The following GBE1 variants were observed in gnomAD, a reference collection of about 807,000 sequenced individuals.
GBE1 encodes the protein 1,4-alpha-glucan branching enzyme 1.
Under a neutral mutation model 88.8 loss-of-function variants are expected in GBE1, and 70 were observed. The ratio of observed to expected loss-of-function variants is 0.79; its 90% CI spans 0.65 to 0.96. The LOEUF is 0.96. GBE1 is among the 40% of genes least tolerant of loss of function. The pLI is 0.00. For synonymous variants in GBE1, 284 were observed against 300.1 expected, an observed-to-expected ratio of 0.95 and a Z score of 0.56; for missense variants, 872 against 871.0, an observed-to-expected ratio of 1.00 and a Z score of -0.01.
chr3:81,579,221 A>G (rs935315655), intron 11 of GBE1, among the ~76,000 whole-genome samples: 1 of 152,044 alleles, frequency 6.6e-6, no homozygotes, highest in Non-Finnish European at 1.5e-5. Flanking sequence ...AAAAAGTTTA[A>G]AATAACATCC....
intron 7 of GBE1, among the ~76,000 whole-genome samples, chr3:81,636,949 T>C (rs1207815579): frequency 1.3e-5 from 2 of 152,134 alleles, no homozygotes; most frequent in South Asian, 4.1e-4. Context: ...TAAAAACAAA[T>C]ACATTAGCTC....
chr3:81,571,244 A>G (rs561110896), intron 12 of GBE1, among the ~76,000 whole-genome samples: 35 of 152,304 alleles, frequency 2.3e-4, no homozygotes, highest in Admixed American at 1.9e-3. Context: ...TTGAAGAGGG[A>G]AGACATTAGA....
intron 12 of GBE1, among the ~76,000 whole-genome samples, chr3:81,553,222 T>C (rs1184125485): frequency 6.6e-6 from 1 of 152,214 alleles, no homozygotes; most frequent in Non-Finnish European, 1.5e-5. Context: ...ATGCTGCTAC[T>C]ATTGGTGTTA....
chr3:81,673,447 A>G (rs1461455225), intron 2 of GBE1, among the ~76,000 whole-genome samples: 2 of 151,930 alleles, frequency 1.3e-5, no homozygotes, highest in Admixed American at 1.3e-4. Flanking sequence ...TAAATGAGAA[A>G]ATGTACAATG....
At chr3:81,728,766 AT>A (rs1706147899) in intron 1 of GBE1, among the ~76,000 whole-genome samples, 1 of 152,220 alleles carries the variant, frequency 6.6e-6, no homozygotes, top group Admixed American at 6.5e-5. Flanking sequence ...TCAAATTCTA[AT>A]CCCAAATCAA....
chr3:81,716,763 T>C (rs1705942971), intron 1 of GBE1, among the ~76,000 whole-genome samples: 1 of 152,242 alleles, frequency 6.6e-6, no homozygotes, highest in Non-Finnish European at 1.5e-5. Flanking sequence ...TAGAAATTAA[T>C]TTTAATCACT....
At chr3:81,613,677 A>C (rs1704211040) in intron 7 of GBE1, among the ~76,000 whole-genome samples, 1 of 152,244 alleles carries the variant, frequency 6.6e-6, no homozygotes, top group East Asian at 1.9e-4. Flanking sequence ...GATATCTGAC[A>C]GACATCCTTG....
intron 15 of GBE1, among the ~76,000 whole-genome samples, chr3:81,494,203 G>A (rs1441208429): frequency 1.3e-5 from 2 of 152,036 alleles, no homozygotes; most frequent in Admixed American, 1.3e-4. Flanking sequence ...TCTTAACTAT[G>A]GCTATTTATG....
chr3:81,674,348 G>C (rs987975856), intron 2 of GBE1, among the ~76,000 whole-genome samples: 1 of 151,776 alleles, frequency 6.6e-6, no homozygotes, highest in Non-Finnish European at 1.5e-5. Flanking sequence ...TTAATATCCA[G>C]AAACAGAATA....
In GBE1 at chr3:81,642,918, T is replaced by C; in HGVS notation, c.855A>G (p.Leu285=). Reference sequence around the variant, plus strand: ...TTGAAGCATGGCTGTGTACCACATCTAAGAGGACTATGATACCCATGGAAT... The same window carrying C: ...TTGAAGCATGGCTGTGTACCACATCCAAGAGGACTATGATACCCATGGAAT... ...TAHSMGIIVL[L]DVVHSHASKN... The change falls in exon 7 of 16, where the codon TTA becomes TTG. Residue 285 remains leucine, a synonymous_variant. Coordinates refer to ENST00000429644, the MANE Select transcript of GBE1 (RefSeq NM_000158.4). The C allele has an allele frequency of 6.2e-7, 1 of 1,613,032 alleles. No homozygotes were observed. The highest frequency in any genetic ancestry group is 8.5e-7 in the Non-Finnish European group (1 of 1,179,210).
At chr3:81,610,504 A>C (rs1337274249) in intron 7 of GBE1, among the ~76,000 whole-genome samples, 1 of 152,192 alleles carries the variant, frequency 6.6e-6, no homozygotes, top group Non-Finnish European at 1.5e-5. Context: ...TGATTATCTT[A>C]TTAAAACAGG....
intron 12 of GBE1, among the ~76,000 whole-genome samples, chr3:81,566,373 A>AT (rs1703495645): frequency 6.6e-6 from 1 of 152,148 alleles, no homozygotes; most frequent in Non-Finnish European, 1.5e-5. Context: ...TGTACAGACC[A>AT]TTTTGAGAAC....
chr3:81,519,413 G>C (rs992872410), intron 14 of GBE1, among the ~76,000 whole-genome samples: 2 of 151,328 alleles, frequency 1.3e-5, no homozygotes, highest in Non-Finnish European at 3.0e-5. Context: ...TCACAACATT[G>C]TAACAGTTTG....
intron 14 of GBE1, among the ~76,000 whole-genome samples, chr3:81,516,356 C>T (rs28780766): frequency 0.06 from 9,090 of 151,612 alleles, 443 homozygotes; most frequent in African/African-American, 0.12. Context: ...GACAGCATGT[C>T]TGTTTACAGC....
chr3:81,759,240 G>A (rs892678302), intron 1 of GBE1, among the ~76,000 whole-genome samples: 2 of 152,190 alleles, frequency 1.3e-5, no homozygotes, highest in Non-Finnish European at 2.9e-5. Flanking sequence ...CATCCTAAGG[G>A]AACATCCAAA....
chr3:81,587,992 C>G (rs755149822), intron 9 of GBE1, among the ~76,000 whole-genome samples: 8 of 152,094 alleles, frequency 5.3e-5, no homozygotes, highest in Admixed American at 3.3e-4. Context: ...GTACTTGTTA[C>G]GAGCTTTTCT....
intron 2 of GBE1, among the ~76,000 whole-genome samples, chr3:81,696,735 G>A (rs1185411587): frequency 6.6e-6 from 1 of 152,046 alleles, no homozygotes; most frequent in Non-Finnish European, 1.5e-5. Context: ...TACCAAAACT[G>A]AAACCTAAGA....
At chr3:81,643,360 T>C (rs1441736824) in intron 6 of GBE1, among the ~76,000 whole-genome samples, 2 of 152,124 alleles carry the variant, frequency 1.3e-5, no homozygotes, top group Admixed American at 6.6e-5. Context: ...ACATTTGAGA[T>C]TGAGGGGCTC....
At chr3:81,573,140 T>G (rs937236086) in intron 12 of GBE1, among the ~76,000 whole-genome samples, 1 of 152,228 alleles carries the variant, frequency 6.6e-6, no homozygotes, top group African/African-American at 2.4e-5. Flanking sequence ...TAGTTCTAAC[T>G]GAAGAGTTAA....
Sources: gnomAD v4.1 joint callset for allele counts (sites outside exome capture counted in the v4.1 genomes callset) on GRCh38, gnomAD v4.1.1 for gene constraint, MANE v1.5 for transcripts, NCBI Gene and HGNC (gene_info 2026-07-23, HGNC 2026-07-21) for gene names.